The following JAKMIP2 variants were observed in gnomAD, a reference collection of about 807,000 sequenced individuals.
JAKMIP2 encodes the protein janus kinase and microtubule-interacting protein 2.
In JAKMIP2, 25 loss-of-function variants were observed where a neutral mutation model predicts 115.0. The observed-to-expected ratio is 0.22, with a 90% CI of 0.16 to 0.30. The LOEUF (loss-of-function observed/expected upper bound fraction) is 0.30. Ranked by LOEUF, JAKMIP2 falls within the 10% of genes least tolerant of loss-of-function variation. JAKMIP2 has a pLI of 1.00. For synonymous variants in JAKMIP2, 334 were observed against 343.6 expected, an observed-to-expected ratio of 0.97 and a Z score of 0.31; for missense variants, 642 against 957.6, an observed-to-expected ratio of 0.67 and a Z score of 4.35.
rs955777268 is a variant in JAKMIP2, at chr5:147,714,020, A to G, written c.-148-42066T>C. Among the ~76,000 whole-genome samples the G allele has an allele frequency of 4.6e-5, 7 of 152,162 alleles. No homozygotes were observed. In the East Asian group the frequency reaches 5.8e-4, roughly 13 times the overall value. ...ACAAGCCTGGAAAAAGCAAAAGACAACTGACTTGGGACACTCAAATAACTT... is the reference window on the plus strand; with the variant it reads ...ACAAGCCTGGAAAAAGCAAAAGACAGCTGACTTGGGACACTCAAATAACTT... On this transcript the variant is annotated intron_variant, in intron 1 of 21. Transcript: ENST00000616793.
Position 147,691,588 on chromosome 5 carries a change from C to G in JAKMIP2, c.-148-19634G>C, listed in dbSNP as rs114115052. 1.3e-3 allele frequency among the ~76,000 whole-genome samples: 191 copies of G among 152,308 alleles called. 2 individuals are homozygous for G. The highest frequency in any genetic ancestry group is 6.8e-3 in the Middle Eastern group (2 of 294). Reference sequence around the variant, plus strand: ...GGCTGCACAAAGCTGGGATTTAACCCAAGCCTTCTCCCGAACCTTGTGTTC... The same window carrying G: ...GGCTGCACAAAGCTGGGATTTAACCGAAGCCTTCTCCCGAACCTTGTGTTC... On this transcript the variant is annotated intron_variant, in intron 1 of 21. Coordinates refer to ENST00000616793, the MANE Select transcript of JAKMIP2 (RefSeq NM_001270941.2).
intron 1 of JAKMIP2, among the ~76,000 whole-genome samples, chr5:147,742,155 A>ATATATATATATATATTTT: frequency 9.2e-6 from 1 of 108,908 alleles, no homozygotes; most frequent in African/African-American, 3.8e-5. Context: ...ATATATATAT[A>ATATATATATATATATTTT]TTTTTTTTAC....
At position 147,750,561 on chromosome 5, in the gene JAKMIP2, TACAC is replaced by T. The variant is rs151015424; in HGVS notation, c.-149+31891_-149+31894del. On this transcript the variant is annotated intron_variant, in intron 1 of 21. Transcript: ENST00000616793. ...AGATATCACTCATGGTGCCAGAAAATACACACACACACACACACACACACACACA... is the reference window on the plus strand; with the variant it reads ...AGATATCACTCATGGTGCCAGAAAATACACACACACACACACACACACACA... Among the ~76,000 whole-genome samples the T allele has an allele frequency of 4.7e-3, 678 of 142,880 alleles. 5 individuals are homozygous for T. The highest frequency in any genetic ancestry group is 7.3e-3 in the Non-Finnish European group (478 of 65,110). The allele number at this position is 142,880 out of a possible 152,430, so 93.7% of individuals were successfully genotyped here.
intron 12 of JAKMIP2, among the ~76,000 whole-genome samples, chr5:147,635,957 A>G (rs1275395002): frequency 6.6e-6 from 1 of 152,190 alleles, no homozygotes; most frequent in Non-Finnish European, 1.5e-5. Context: ...TATACAGTGT[A>G]TATGGTTAGC....
At chr5:147,744,427 C>A (rs2127003653) in intron 1 of JAKMIP2, among the ~76,000 whole-genome samples, 1 of 152,230 alleles carries the variant, frequency 6.6e-6, no homozygotes, top group South Asian at 2.1e-4. Flanking sequence ...TTCTCCAAGG[C>A]CAAGTAAGGC....
At chr5:147,713,038 G>A (rs533748863) in intron 1 of JAKMIP2, among the ~76,000 whole-genome samples, 26 of 152,190 alleles carry the variant, frequency 1.7e-4, no homozygotes, top group Middle Eastern at 6.8e-3. Context: ...GTTAAAACCA[G>A]CAACCTCCAT....
chr5:147,764,403 G>T (rs182117314), intron 1 of JAKMIP2, among the ~76,000 whole-genome samples: 12 of 141,220 alleles, frequency 8.5e-5, no homozygotes, highest in Non-Finnish European at 1.5e-5. Context: ...TGAAAGATTC[G>T]TCTAAATGTT....
chr5:147,698,672 C>T (rs1752203526), intron 1 of JAKMIP2, among the ~76,000 whole-genome samples: 1 of 152,176 alleles, frequency 6.6e-6, no homozygotes, highest in Non-Finnish European at 1.5e-5. Flanking sequence ...ACTTCTCTCT[C>T]CTGCTGCCTT....
rs2116766 is a variant in JAKMIP2, at chr5:147,644,913, C to A, written c.1020G>T (p.Leu340=). Residue 340 remains leucine (L), a synonymous_variant, in exon 6 of 22, where the codon CTG becomes CTT. Coordinates refer to ENST00000616793, the MANE Select transcript of JAKMIP2 (RefSeq NM_001270941.2). ...NKCLAKRNDE[L]MVSLQRMEEK... is the part of the protein sequence containing the mutation. ...CTTCCATGCGCTGCAAGGACACCAT[C>A]AGTTCATCGTTTCTCTTGGCGAGGC... The A allele has an allele frequency of 0.084, 135,769 of 1,611,910 alleles. 14,551 individuals carry two copies. Among genetic ancestry groups the A allele is most frequent in the African/African-American group, 0.43 (32,218 of 74,674 alleles).
intron 1 of JAKMIP2, among the ~76,000 whole-genome samples, chr5:147,697,220 T>C (rs1752141186): frequency 6.6e-6 from 1 of 152,084 alleles, no homozygotes; most frequent in Admixed American, 6.5e-5. Context: ...GAAAGGCACT[T>C]CTTACATGGT....
rs200834333 is a variant in JAKMIP2 at position 147,650,461 on chromosome 5, T to C, written c.714A>G (p.Gln238=). 1.9e-6 allele frequency: 3 copies of C among 1,613,854 alleles called. No individual in the cohort carries two copies. The highest frequency in any genetic ancestry group is 2.7e-5 in the African/African-American group (2 of 75,030). ...GTTCGTCCAAAGCCTCCTTCTGAAGTTGGAGTTTCTGTACATAGCCTGTCT... is the reference window on the plus strand; with the variant it reads ...GTTCGTCCAAAGCCTCCTTCTGAAGCTGGAGTTTCTGTACATAGCCTGTCT... The part of the protein sequence containing the change: ...ETQTGYVQKL[Q]LQKEALDEQL... Residue 238 remains glutamine (Q), a synonymous_variant, in exon 4 of 22, where the codon CAA becomes CAG. Coordinates refer to ENST00000616793, the MANE Select transcript of JAKMIP2 (RefSeq NM_001270941.2).
In JAKMIP2 at chr5:147,640,838, A is replaced by G. The variant is rs1207101194; in HGVS notation, c.1282-15T>C. On this transcript the variant is annotated splice_polypyrimidine_tract_variant and intron_variant, in intron 8 of 21. Transcript: ENST00000616793. ...AAAACAGGCCTCTAAATGGAGGGAA[A>G]GTACCTATTTACTGACATAGCTAAC... 1.9e-6 allele frequency: 3 copies of G among 1,608,698 alleles called. No homozygotes were observed. The highest frequency in any genetic ancestry group is 2.5e-6 in the Non-Finnish European group (3 of 1,178,394).
At chr5:147,670,041 C>A (rs1759501482) in intron 2 of JAKMIP2, among the ~76,000 whole-genome samples, 1 of 152,206 alleles carries the variant, frequency 6.6e-6, no homozygotes, top group African/African-American at 2.4e-5. Flanking sequence ...GAGATAAAGA[C>A]AAATAATGCC....
At chr5:147,676,990 T>C (rs555584515) in intron 1 of JAKMIP2, among the ~76,000 whole-genome samples, 1 of 152,240 alleles carries the variant, frequency 6.6e-6, no homozygotes, top group Admixed American at 6.5e-5. Flanking sequence ...AATTGGCACA[T>C]GATTCTGATA....
chr5:147,605,485 AGGTGTGAGCCACCGG>A (rs1222841638), intron 20 of JAKMIP2, among the ~76,000 whole-genome samples: 7 of 152,140 alleles, frequency 4.6e-5, no homozygotes, highest in African/African-American at 1.7e-4. Context: ...CTGGGATTAC[AGGTGTGAGCCACCGG>A]GCCTGGGCCT....
chr5:147,724,555 A>G (rs537561845), intron 1 of JAKMIP2, among the ~76,000 whole-genome samples: 1 of 152,224 alleles, frequency 6.6e-6, no homozygotes, highest in African/African-American at 2.4e-5. Flanking sequence ...AAAAACCATT[A>G]TCATTTTAAT....
chr5:147,608,611 G>A lies in JAKMIP2; in HGVS notation c.2412+3695C>T, dbSNP rs113604446. On this transcript the variant is annotated intron_variant, in intron 20 of 21. Transcript: ENST00000616793. The stretch of plus-strand genomic sequence containing the variant: ...ACTTTCAATTATATGGTCGATTTTA[G>A]AATAAGAGCTATGTGGTGCTGAGCA... Among the ~76,000 whole-genome samples the A allele has an allele frequency of 6.4e-3, 979 of 152,206 alleles. 51 individuals carry two copies. In the East Asian group the frequency reaches 0.13, roughly 20 times the overall value.
chr5:147,589,925 T>C lies in JAKMIP2; in HGVS notation c.*1782A>G, dbSNP rs1372302590. 2 of 152,226 alleles carry C rather than the reference T, an allele frequency of 1.3e-5. No homozygotes were observed. The highest frequency in any genetic ancestry group is 1.9e-4 in the East Asian group (1 of 5,196). 9.4% of individuals were successfully genotyped at this position (152,226 alleles called of 1,614,324 possible). A position where few individuals can be genotyped will look rare whatever the true frequency, so the allele number is the denominator to read the frequency against. On this transcript the variant is annotated 3_prime_UTR_variant, in exon 22 of 22. Coordinates refer to ENST00000616793, the MANE Select transcript of JAKMIP2 (RefSeq NM_001270941.2). Reference sequence around the variant, plus strand: ...CACTTGTAATAATTACAAAGCACATTGTGCTACTTTAAGCACCTCTTGTTC... The same window carrying C: ...CACTTGTAATAATTACAAAGCACATCGTGCTACTTTAAGCACCTCTTGTTC...
chr5:147,592,006 T>C (rs1206476893), intron 21 of JAKMIP2, among the ~76,000 whole-genome samples: 1 of 152,242 alleles, frequency 6.6e-6, no homozygotes, highest in Non-Finnish European at 1.5e-5. Flanking sequence ...AGAAGTTAAA[T>C]TGAATAATCA....
Sources: gnomAD v4.1 joint callset for allele counts (sites outside exome capture counted in the v4.1 genomes callset) on GRCh38, gnomAD v4.1.1 for gene constraint, MANE v1.5 for transcripts, NCBI Gene and HGNC (gene_info 2026-07-23, HGNC 2026-07-21) for gene names.